ATP6V1H: variants seen among roughly 807,000 people sequenced by gnomAD.
The protein encoded by ATP6V1H is V-type proton ATPase subunit H.
ATP6V1H carries 39 observed loss-of-function variants against 71.7 expected under a neutral mutation model. The observed-to-expected ratio is 0.54, with a 90% CI of 0.42 to 0.71. The LOEUF is 0.71. ATP6V1H is among the 30% of genes least tolerant of loss of function. The pLI is 0.00. For synonymous variants in ATP6V1H, 192 were observed against 199.3 expected, an observed-to-expected ratio of 0.96 and a Z score of 0.31; for missense variants, 509 against 594.9, an observed-to-expected ratio of 0.86 and a Z score of 1.50.
intron 12 of ATP6V1H, 64 bp from the exon 13 acceptor site, chr8:53,743,754 GGC>G: frequency 5.9e-6 from 7 of 1,181,234 alleles, no homozygotes; most frequent in Non-Finnish European, 7.3e-6. Flanking sequence ...TTTGTAAGCA[GGC>G]AGCTCAAATA....
At chr8:53,748,524 G>A (rs1460783171) in intron 12 of ATP6V1H, among the ~76,000 whole-genome samples, 1 of 152,130 alleles carries the variant, frequency 6.6e-6, no homozygotes, top group Non-Finnish European at 1.5e-5. Flanking sequence ...CTAATTGCAT[G>A]CCCAGTAGTA....
intron 12 of ATP6V1H, among the ~76,000 whole-genome samples, chr8:53,752,397 T>C (rs1784162697): frequency 6.6e-6 from 1 of 152,208 alleles, no homozygotes; most frequent in South Asian, 2.1e-4. Context: ...TGAGCTGGGC[T>C]TCTGTGAGAA....
At chr8:53,808,588 C>T (rs1450117417) in intron 7 of ATP6V1H, among the ~76,000 whole-genome samples, 3 of 152,038 alleles carry the variant, frequency 2.0e-5, no homozygotes, top group Admixed American at 6.6e-5. Context: ...GACAACATAG[C>T]GAGACCTTGT....
chr8:53,819,583 T>TATAA (rs1810570845), intron 4 of ATP6V1H, among the ~76,000 whole-genome samples: 1 of 108,306 alleles, frequency 9.2e-6, no homozygotes, highest in African/African-American at 3.9e-5. Flanking sequence ...TATATATATA[T>TATAA]ATAAAATACA....
At chr8:53,780,537 T>G (rs1159765729) in intron 9 of ATP6V1H, among the ~76,000 whole-genome samples, 3 of 152,146 alleles carry the variant, frequency 2.0e-5, no homozygotes, top group Admixed American at 6.5e-5. Flanking sequence ...TTTTTTCTTT[T>G]TTTTAATTTT....
intron 3 of ATP6V1H, 144 bp from the exon 4 acceptor site, chr8:53,829,677 A>AT (rs1204793047): frequency 3.6e-6 from 2 of 549,212 alleles, no homozygotes; most frequent in Non-Finnish European, 6.3e-6. Flanking sequence ...TATACCTTTT[A>AT]TAAATATTGT....
chr8:53,768,994 C>G (rs1289455985), intron 11 of ATP6V1H, among the ~76,000 whole-genome samples: 1 of 152,018 alleles, frequency 6.6e-6, no homozygotes, highest in African/African-American at 2.4e-5. Flanking sequence ...AAAGGTAAAC[C>G]TGGAGGGCAC....
rs1810801205 is a variant in ATP6V1H at position 53,825,606 on chromosome 8, T to C, written c.306+3838A>G. ...ATAAAAGGTACAGAAATAAATCTAG[T>C]TATATAGGGAGGTTTGATGTTAAAG... is the stretch of plus-strand genomic sequence containing the variant. On this transcript the variant is annotated intron_variant, in intron 4 of 13. Transcript: ENST00000359530. Among the ~76,000 whole-genome samples the C allele has an allele frequency of 2.0e-5, 3 of 152,030 alleles. No homozygotes were observed. In the South Asian group the frequency reaches 6.2e-4, roughly 32 times the overall value.
At chr8:53,805,491 T>C (rs1028243216) in intron 7 of ATP6V1H, among the ~76,000 whole-genome samples, 52 of 152,160 alleles carry the variant, frequency 3.4e-4, no homozygotes, top group African/African-American at 1.3e-3. Context: ...TGCTTCAATA[T>C]AGACACTTAG....
chr8:53,808,764 G>A (rs924547445), intron 7 of ATP6V1H, among the ~76,000 whole-genome samples: 1 of 149,532 alleles, frequency 6.7e-6, no homozygotes, highest in South Asian at 2.1e-4. Flanking sequence ...TCGCACCACT[G>A]CACTCCAACC....
chr8:53,740,376 C>T (rs1807367977), intron 13 of ATP6V1H, among the ~76,000 whole-genome samples: 1 of 152,130 alleles, frequency 6.6e-6, no homozygotes. Flanking sequence ...ATATCAAAAA[C>T]CTAAAAATCC....
chr8:53,769,484 T>C (rs911474027), intron 11 of ATP6V1H, 134 bp downstream of exon 11: 3 of 873,720 alleles, frequency 3.4e-6, no homozygotes, highest in African/African-American at 3.5e-5. Context: ...TGAAAAGGCA[T>C]TCAACCACAT....
At chr8:53,814,869 A>T in intron 5 of ATP6V1H, 103 bp from the exon 6 acceptor site, 1 of 688,364 alleles carries the variant, frequency 1.5e-6, no homozygotes, top group South Asian at 1.9e-5. Flanking sequence ...ACAATTTCTT[A>T]ACACTCAACC....
chr8:53,801,760 T>C (rs2130435184), intron 8 of ATP6V1H, 39 bp downstream of exon 8: 1 of 1,500,510 alleles, frequency 6.7e-7, no homozygotes, highest in Non-Finnish European at 9.2e-7. Context: ...GAGAGATGCT[T>C]GTAAATGTTA....
chr8:53,833,106 T>C lies in ATP6V1H; in HGVS notation c.114-20A>G, dbSNP rs1359334119. ...TGTCCCCTAGAAAGTAAGAATAAGATGTTTTGTTCAGTAAGAGTTGAATAT... is the reference window on the plus strand; with the variant it reads ...TGTCCCCTAGAAAGTAAGAATAAGACGTTTTGTTCAGTAAGAGTTGAATAT... On this transcript the variant is annotated intron_variant, in intron 2 of 13. Transcript: ENST00000359530. 1.9e-6 allele frequency: 3 copies of C among 1,590,530 alleles called. No individual in the cohort carries two copies. The highest frequency in any genetic ancestry group is 2.6e-6 in the Non-Finnish European group (3 of 1,161,126).
chr8:53,805,406 T>C (rs1810049208), intron 7 of ATP6V1H, among the ~76,000 whole-genome samples: 1 of 152,238 alleles, frequency 6.6e-6, no homozygotes, highest in South Asian at 2.1e-4. Flanking sequence ...GTAATTAATA[T>C]GTTTCATGAC....
At chr8:53,750,402 T>C (rs559676092) in intron 12 of ATP6V1H, among the ~76,000 whole-genome samples, 1 of 152,290 alleles carries the variant, frequency 6.6e-6, no homozygotes, top group Admixed American at 6.5e-5. Flanking sequence ...GGAAATGTGA[T>C]ATTCAGTACA....
At chr8:53,795,505 T>C (rs1011024294) in intron 9 of ATP6V1H, 142 bp downstream of exon 9, 5 of 720,518 alleles carry the variant, frequency 6.9e-6, no homozygotes, top group African/African-American at 1.8e-5. Flanking sequence ...AAATTAGTGA[T>C]ATTTTACTCT....
chr8:53,828,074 G>C (rs1810879908), intron 4 of ATP6V1H, among the ~76,000 whole-genome samples: 1 of 151,538 alleles, frequency 6.6e-6, no homozygotes, highest in Admixed American at 6.6e-5. Flanking sequence ...GAACAAACAC[G>C]TGTGTGTGGT....
Sources: allele counts gnomAD v4.1 joint callset (sites outside exome capture counted in the v4.1 genomes callset), GRCh38; gene constraint gnomAD v4.1.1; transcripts MANE v1.5; gene names NCBI Gene and HGNC (gene_info 2026-07-23, HGNC 2026-07-21).